DBF4: variants seen among roughly 807,000 people sequenced by gnomAD.
DBF4 encodes the protein DBF4-CDC7 kinase regulatory subunit.
Under a neutral mutation model 76.6 loss-of-function variants are expected in DBF4, and 25 were observed. That is an observed-to-expected ratio of 0.33 (90% CI 0.24 to 0.46). The LOEUF (loss-of-function observed/expected upper bound fraction) is 0.46. DBF4 is among the 20% of genes least tolerant of loss of function. The pLI, the probability that DBF4 is intolerant of heterozygous loss-of-function variation, is 1.00. For synonymous variants in DBF4, 213 were observed against 258.0 expected, an observed-to-expected ratio of 0.83 and a Z score of 1.67; for missense variants, 638 against 760.8, an observed-to-expected ratio of 0.84 and a Z score of 1.90.
chr7:87,887,349 T>C lies in DBF4; in HGVS notation c.471T>C (p.Ser157=). 1 of 1,553,696 alleles carries C rather than the reference T, an allele frequency of 6.4e-7. No individual in the cohort carries two copies. The highest frequency in any genetic ancestry group is 1.1e-5 in the South Asian group (1 of 87,552). Residue 157 remains serine, a synonymous_variant, in exon 5 of 12, where the codon AGT becomes AGC. Transcript: ENST00000265728. ...IKDHDFIPSN[S]ILSNALSWGV... ...TACAGGATTTTATTCCTTCAAATAG[T>C]ATATTATCAAATGCCTTGTCATGGG...
intron 5 of DBF4, 60 bp from the exon 6 acceptor site, chr7:87,887,923 T>C: frequency 2.8e-6 from 4 of 1,404,682 alleles, no homozygotes; most frequent in Non-Finnish European, 9.6e-7. Context: ...CAAGAAAATA[T>C]CACTGTTTAA....
At chr7:87,904,488 C>A in intron 11 of DBF4, 72 bp downstream of exon 11, 1 of 1,508,022 alleles carries the variant, frequency 6.6e-7, no homozygotes, top group Non-Finnish European at 8.9e-7. Context: ...GCCTGTAATC[C>A]CAGCACTTTG....
At position 87,887,414 on chromosome 7, in the gene DBF4, T is replaced by G. The variant is rs757569488; in HGVS notation, c.520+16T>G. On this transcript the variant is annotated intron_variant, in intron 5 of 11. Coordinates refer to ENST00000265728, the MANE Select transcript of DBF4 (RefSeq NM_006716.4). The stretch of plus-strand genomic sequence containing the variant: ...CATATTGATGGTAAGGATTTTATAA[T>G]TGTTTTTTGACAGTATTTGTTTTAA... The G allele has an allele frequency of 3.9e-6, 6 of 1,557,036 alleles. No individual in the cohort carries two copies. The African/African-American group carries it at 8.2e-5, about 21-fold the overall frequency.
chr7:87,906,397 C>G (rs533973100), intron 11 of DBF4, among the ~76,000 whole-genome samples: 2 of 144,096 alleles, frequency 1.4e-5, no homozygotes, highest in African/African-American at 5.1e-5. Context: ...AATGTATGAA[C>G]AAGATAAAAA....
chr7:87,907,491 A>G lies in DBF4; in HGVS notation c.1353A>G (p.Leu451=), dbSNP rs570630287. 2.5e-6 allele frequency: 4 copies of G among 1,613,978 alleles called. No homozygotes were observed. Among genetic ancestry groups the G allele is most frequent in the African/African-American group, 2.7e-5 (2 of 75,050 alleles). ...ACATAAGACAGAATTTTACACAGCT[A>G]CCTCTACATAAAAACAAACAGGAAT... ...EDDIRQNFTQ[L]PLHKNKQECI... is the part of the protein sequence containing the mutation. Residue 451 remains leucine, a synonymous_variant, in exon 12 of 12, where the codon CTA becomes CTG. Coordinates refer to ENST00000265728, the MANE Select transcript of DBF4 (RefSeq NM_006716.4).
At chr7:87,877,031 C>G (rs1183847820) in intron 1 of DBF4, among the ~76,000 whole-genome samples, 1 of 152,210 alleles carries the variant, frequency 6.6e-6, no homozygotes, top group Non-Finnish European at 1.5e-5. Context: ...CGGTTGAAAA[C>G]TAGCAAACAA....
chr7:87,900,326 A>G lies in DBF4; in HGVS notation c.786A>G (p.Gln262=), dbSNP rs1839744574. 1.3e-6 allele frequency: 2 copies of G among 1,592,916 alleles called. No homozygotes were observed. The highest frequency in any genetic ancestry group is 2.3e-5 in the South Asian group (2 of 86,658). Residue 262 remains glutamine (Q), a synonymous_variant, in exon 9 of 12, where the codon CAA becomes CAG. Transcript: ENST00000265728. The part of the protein sequence containing the change: ...PFDVDKPSSM[Q]KQTQVKLRIQ... The stretch of plus-strand genomic sequence containing the variant: ...ATGTAGACAAGCCATCTAGTATGCA[A>G]AAGCAAACTCAGGTTAAACTAAGGT...
chr7:87,884,306 C>G (rs949091883), intron 2 of DBF4, among the ~76,000 whole-genome samples: 1 of 152,160 alleles, frequency 6.6e-6, no homozygotes, highest in African/African-American at 2.4e-5. Context: ...GTAGGAGGCT[C>G]TCTTGAGCCC....
chr7:87,886,465 G>A (rs1008740566), intron 3 of DBF4, among the ~76,000 whole-genome samples: 1 of 145,388 alleles, frequency 6.9e-6, no homozygotes, highest in Non-Finnish European at 1.5e-5. Context: ...AACCCGGGAG[G>A]CAGAGGTTGC....
chr7:87,890,544 A>AT (rs1839459584), intron 6 of DBF4, among the ~76,000 whole-genome samples: 1 of 152,146 alleles, frequency 6.6e-6, no homozygotes, highest in Non-Finnish European at 1.5e-5. Context: ...AAATAAATAA[A>AT]TAAATGGATG....
intron 2 of DBF4, 87 bp from the exon 3 acceptor site, chr7:87,884,892 G>A: frequency 1.0e-6 from 1 of 976,598 alleles, no homozygotes; most frequent in South Asian, 1.7e-5. Context: ...AGCTATGATT[G>A]TGCCACTGCA....
chr7:87,899,448 C>G (rs562877344), intron 8 of DBF4, among the ~76,000 whole-genome samples: 1 of 151,984 alleles, frequency 6.6e-6, no homozygotes, highest in Non-Finnish European at 1.5e-5. Context: ...AGGGGCAAAG[C>G]GCTGAATAGA....
intron 6 of DBF4, among the ~76,000 whole-genome samples, chr7:87,890,382 A>G (rs1478782552): frequency 6.6e-6 from 1 of 152,134 alleles, no homozygotes; most frequent in East Asian, 1.9e-4. Flanking sequence ...AAAAATACAA[A>G]AATGCCCGGT....
At chr7:87,892,813 A>C (rs1045169529) in intron 6 of DBF4, among the ~76,000 whole-genome samples, 1 of 152,090 alleles carries the variant, frequency 6.6e-6, no homozygotes, top group Non-Finnish European at 1.5e-5. Context: ...GGTTACTTTT[A>C]TCATTTGTTT....
In DBF4 at chr7:87,881,632, A is replaced by G. The variant is rs1368182734; in HGVS notation, c.220-3347A>G. On this transcript the variant is annotated intron_variant, in intron 2 of 11. Transcript: ENST00000265728. ...ATTTGGGCATGTGGGAATTCATTCAAAAATTATTCCACCACTGTCTCCAGT... is the reference window on the plus strand; with the variant it reads ...ATTTGGGCATGTGGGAATTCATTCAGAAATTATTCCACCACTGTCTCCAGT... Among the ~76,000 whole-genome samples, 5 of 152,330 alleles carry G rather than the reference A, an allele frequency of 3.3e-5. No homozygotes were observed. The East Asian group carries it at 9.6e-4, about 29-fold the overall frequency.
At chr7:87,897,927 G>C (rs144594675) in intron 8 of DBF4, among the ~76,000 whole-genome samples, 161 of 152,188 alleles carry the variant, frequency 1.1e-3, no homozygotes, top group African/African-American at 3.8e-3. Context: ...ATGGGTCTAC[G>C]CCACCATGCC....
intron 6 of DBF4, chr7:87,888,448 T>C: frequency 2.1e-6 from 1 of 475,238 alleles, no homozygotes; most frequent in Non-Finnish European, 2.7e-6. Flanking sequence ...AAAATCTCGT[T>C]TTAGCATAGC....
intron 2 of DBF4, 65 bp from the exon 3 acceptor site, chr7:87,884,914 A>G (rs900570464): frequency 4.0e-6 from 5 of 1,239,598 alleles, no homozygotes; most frequent in African/African-American, 3.0e-5. Flanking sequence ...TCTAGCCTGG[A>G]TAACACAGTG....
Position 87,908,474 on chromosome 7 carries a change from C to T in DBF4, c.*311C>T, listed in dbSNP as rs1381343809. The T allele has an allele frequency of 5.4e-6, 1 of 184,968 alleles. No individual in the cohort carries two copies. The highest frequency in any genetic ancestry group is 1.3e-4 in the East Asian group (1 of 7,516). 11.5% of individuals were successfully genotyped at this position (184,968 alleles called of 1,614,324 possible). On this transcript the variant is annotated 3_prime_UTR_variant, in exon 12 of 12. Transcript: ENST00000265728. ...GAAGTGCAATTTGGGGAATATCAAACTTAGCATTATACATTTGGATATTCT... is the reference window on the plus strand; with the variant it reads ...GAAGTGCAATTTGGGGAATATCAAATTTAGCATTATACATTTGGATATTCT...
Sources: allele counts gnomAD v4.1 joint callset (sites outside exome capture counted in the v4.1 genomes callset), GRCh38; gene constraint gnomAD v4.1.1; transcripts MANE v1.5; gene names NCBI Gene and HGNC (gene_info 2026-07-23, HGNC 2026-07-21).